UNC5D: variants seen among roughly 807,000 people sequenced by gnomAD.
UNC5D encodes unc-5 netrin receptor D.
In UNC5D, 39 loss-of-function variants were observed where a neutral mutation model predicts 105.4. That is an observed-to-expected ratio of 0.37 (90% confidence interval 0.29 to 0.48). The LOEUF (loss-of-function observed/expected upper bound fraction) is 0.48, where lower values mean the gene tolerates loss of function less well. Among genes scored for constraint, UNC5D ranks in the 20% least tolerant of loss-of-function variants. The pLI, the probability that UNC5D is intolerant of heterozygous loss-of-function variation, is 0.98. For missense variants in UNC5D, 991 were observed against 1,202.4 expected, an observed-to-expected ratio of 0.82 and a Z score of 2.60; for synonymous variants, 452 against 450.4, an observed-to-expected ratio of 1.00 and a Z score of -0.04.
At position 35,568,265 on chromosome 8, in the gene UNC5D, G is replaced by T. The variant is rs773893784; in HGVS notation, c.466+24G>T. 1.1e-5 allele frequency: 18 copies of T among 1,610,434 alleles called. No individual in the cohort carries two copies. In the Admixed American group the frequency reaches 1.3e-4, roughly 12 times the overall value. Reference sequence around the variant, plus strand: ...CTGTAAGTACATTCTGGGTGACCTTGTCTTGTAGGACCACAAATGAGAGTT... The same window carrying T: ...CTGTAAGTACATTCTGGGTGACCTTTTCTTGTAGGACCACAAATGAGAGTT... On this transcript the variant is annotated intron_variant, in intron 3 of 16. Coordinates refer to ENST00000404895, the MANE Select transcript of UNC5D (RefSeq NM_080872.4).
At chr8:35,354,779 G>A (rs1801454588) in intron 1 of UNC5D, among the ~76,000 whole-genome samples, 1 of 152,116 alleles carries the variant, frequency 6.6e-6, no homozygotes, top group Non-Finnish European at 1.5e-5. Flanking sequence ...AGGATGTTGG[G>A]AAGGGCACAG....
chr8:35,641,188 A>T (rs577122116), intron 4 of UNC5D, among the ~76,000 whole-genome samples: 1 of 152,096 alleles, frequency 6.6e-6, no homozygotes, highest in Non-Finnish European at 1.5e-5. Context: ...ATGACTAATG[A>T]GCAGAATTTT....
At chr8:35,697,077 C>G (rs917340493) in intron 7 of UNC5D, among the ~76,000 whole-genome samples, 5 of 151,886 alleles carry the variant, frequency 3.3e-5, no homozygotes, top group African/African-American at 7.3e-5. Context: ...GCAAGAAGAT[C>G]TCTAAGTTTC....
chr8:35,763,686 G>C (rs1801644258), intron 14 of UNC5D, among the ~76,000 whole-genome samples: 1 of 152,166 alleles, frequency 6.6e-6, no homozygotes, highest in Non-Finnish European at 1.5e-5. Context: ...AGAGTGCTAT[G>C]TTATGGTTAC....
intron 1 of UNC5D, among the ~76,000 whole-genome samples, chr8:35,543,177 A>C (rs955984159): frequency 2.0e-5 from 3 of 152,198 alleles, no homozygotes; most frequent in Admixed American, 6.5e-5. Flanking sequence ...CCCTGTTTAC[A>C]CTTTGAAACA....
At chr8:35,463,158 A>G (rs1024106742) in intron 1 of UNC5D, among the ~76,000 whole-genome samples, 1 of 152,100 alleles carries the variant, frequency 6.6e-6, no homozygotes, top group South Asian at 2.1e-4. Flanking sequence ...GTTCCCACAA[A>G]CTAAAATCAT....
chr8:35,304,128 T>A (rs981208475), intron 1 of UNC5D, among the ~76,000 whole-genome samples: 55 of 152,198 alleles, frequency 3.6e-4, no homozygotes, highest in African/African-American at 1.3e-3. Flanking sequence ...TTTTTTTTCC[T>A]TAAGTGTCAC....
intron 1 of UNC5D, among the ~76,000 whole-genome samples, chr8:35,376,561 C>G (rs1802710610): frequency 6.6e-6 from 1 of 151,966 alleles, no homozygotes; most frequent in South Asian, 2.1e-4. Context: ...GGAGCAGATG[C>G]CTTTTTGGAA....
chr8:35,769,601 AC>A (rs1189555313), intron 15 of UNC5D, among the ~76,000 whole-genome samples: 1 of 152,146 alleles, frequency 6.6e-6, no homozygotes, highest in Non-Finnish European at 1.5e-5. Context: ...GATTGCTCAA[AC>A]CCATTTAATC....
rs115817249 is a variant in UNC5D, at chr8:35,576,905, G to A, written c.466+8664G>A. Among the ~76,000 whole-genome samples, 1,226 of 152,184 alleles carry A rather than the reference G, an allele frequency of 8.1e-3. 15 individuals carry two copies. The highest frequency in any genetic ancestry group is 0.028 in the African/African-American group (1,150 of 41,512). ...TAGGATTACAGGCATGAGCCACCGCGCCTGGCAACTAACAGAGTTTTAAAA... is the reference window on the plus strand; with the variant it reads ...TAGGATTACAGGCATGAGCCACCGCACCTGGCAACTAACAGAGTTTTAAAA... On this transcript the variant is annotated intron_variant, in intron 3 of 16. Coordinates refer to ENST00000404895, the MANE Select transcript of UNC5D (RefSeq NM_080872.4).
rs147445206 is a variant in UNC5D at position 35,789,548 on chromosome 8, T to A, written c.2658-811T>A. On this transcript the variant is annotated intron_variant, in intron 16 of 16. Transcript: ENST00000404895. Reference sequence around the variant, plus strand: ...TTGTTCTAGTTAGAAGAAGGACCAGTTTGGAGGCACGGAGACACCAGTTTC... The same window carrying A: ...TTGTTCTAGTTAGAAGAAGGACCAGATTGGAGGCACGGAGACACCAGTTTC... 9.0e-4 allele frequency among the ~76,000 whole-genome samples: 137 copies of A among 151,990 alleles called. 2 individuals are homozygous for A. The highest frequency in any genetic ancestry group is 3.2e-3 in the African/African-American group (134 of 41,500).
intron 1 of UNC5D, among the ~76,000 whole-genome samples, chr8:35,336,554 A>G (rs1329924085): frequency 6.6e-6 from 1 of 152,136 alleles, no homozygotes. Flanking sequence ...TTTTGGTCTG[A>G]ATACTGAACC....
At chr8:35,435,005 T>C (rs1158775159) in intron 1 of UNC5D, among the ~76,000 whole-genome samples, 1 of 152,086 alleles carries the variant, frequency 6.6e-6, no homozygotes, top group Non-Finnish European at 1.5e-5. Context: ...AGTGAATCCT[T>C]CTACATTAAC....
chr8:35,495,689 A>G (rs751407473), intron 1 of UNC5D, among the ~76,000 whole-genome samples: 5 of 151,980 alleles, frequency 3.3e-5, no homozygotes, highest in Non-Finnish European at 7.4e-5. Flanking sequence ...TTCTCAGTTT[A>G]CCTGGGTTCA....
chr8:35,272,228 A>T (rs1805457671), intron 1 of UNC5D, among the ~76,000 whole-genome samples: 1 of 152,196 alleles, frequency 6.6e-6, no homozygotes, highest in African/African-American at 2.4e-5. Context: ...TACTTGAAGT[A>T]TATTTTCAGT....
intron 1 of UNC5D, among the ~76,000 whole-genome samples, chr8:35,401,476 T>TC (rs1476503682): frequency 2.0e-5 from 3 of 152,128 alleles, no homozygotes; most frequent in Non-Finnish European, 4.4e-5. Context: ...AGAGCAGGAC[T>TC]CCATCTCAAA....
At chr8:35,608,749 A>T (rs1820481112) in intron 4 of UNC5D, among the ~76,000 whole-genome samples, 1 of 152,180 alleles carries the variant, frequency 6.6e-6, no homozygotes. Context: ...GTTTCAAAAG[A>T]CATGATTTCA....
At chr8:35,472,196 T>C (rs968804559) in intron 1 of UNC5D, among the ~76,000 whole-genome samples, 1 of 152,168 alleles carries the variant, frequency 6.6e-6, no homozygotes, top group Non-Finnish European at 1.5e-5. Flanking sequence ...ATTATTCCCA[T>C]AGGTAGGAAA....
chr8:35,683,734 C>T lies in UNC5D; in HGVS notation c.751+7C>T, dbSNP rs1227234894. 6.7e-7 allele frequency: 1 copy of T among 1,498,474 alleles called. No individual in the cohort carries two copies. The highest frequency in any genetic ancestry group is 2.5e-5 in the East Asian group (1 of 39,644). 92.8% of individuals were successfully genotyped at this position (1,498,474 alleles called of 1,614,324 possible). ...GCCACTGTTGTGGTCTACGGTAAGA[C>T]CATTCCAAAGGCCAGGAATGGATAG... On this transcript the variant is annotated splice_region_variant and intron_variant, in intron 5 of 16. Transcript: ENST00000404895.
Sources: gnomAD v4.1 joint callset for allele counts (sites outside exome capture counted in the v4.1 genomes callset) on GRCh38, gnomAD v4.1.1 for gene constraint, MANE v1.5 for transcripts, NCBI Gene and HGNC (gene_info 2026-07-23, HGNC 2026-07-21) for gene names.